CCDC148: variants seen among roughly 807,000 people sequenced by gnomAD.
CCDC148 encodes coiled-coil domain containing 148, also known as coiled-coil domain-containing protein 148.
Under a neutral mutation model 85.7 loss-of-function variants are expected in CCDC148, and 89 were observed. That is an observed-to-expected ratio of 1.04 (90% CI 0.87 to 1.24). The LOEUF is 1.24. CCDC148 is among the 50% of genes most tolerant of loss of function. CCDC148 has a pLI of 0.00. For synonymous variants in CCDC148, 230 were observed against 213.9 expected, an observed-to-expected ratio of 1.08 and a Z score of -0.66; for missense variants, 692 against 671.7, an observed-to-expected ratio of 1.03 and a Z score of -0.33.
intron 11 of CCDC148, among the ~76,000 whole-genome samples, chr2:158,209,411 T>C (rs1444889242): frequency 6.6e-6 from 1 of 152,204 alleles, no homozygotes; most frequent in Non-Finnish European, 1.5e-5. Context: ...AAGTTAGTAA[T>C]AAAGACATCA....
At chr2:158,303,490 T>TA (rs969841655) in intron 9 of CCDC148, among the ~76,000 whole-genome samples, 8 of 151,982 alleles carry the variant, frequency 5.3e-5, no homozygotes, top group Admixed American at 2.6e-4. Flanking sequence ...CCTTCCAGGT[T>TA]AAAAAAAATT....
chr2:158,303,281 T>C (rs1217385369), intron 9 of CCDC148, among the ~76,000 whole-genome samples: 2 of 152,200 alleles, frequency 1.3e-5, no homozygotes, highest in Non-Finnish European at 2.9e-5. Flanking sequence ...GGGCCTACTT[T>C]ATAGCACACT....
At chr2:158,275,280 T>A (rs774322003) in intron 9 of CCDC148, among the ~76,000 whole-genome samples, 1 of 152,248 alleles carries the variant, frequency 6.6e-6, no homozygotes, top group Non-Finnish European at 1.5e-5. Flanking sequence ...GGCTTCAGGA[T>A]AATAATTTGT....
Position 158,220,577 on chromosome 2 carries a change from T to C in CCDC148, c.1370+18A>G. 5 of 1,568,230 alleles carry C rather than the reference T, an allele frequency of 3.2e-6. No homozygotes were observed. The highest frequency in any genetic ancestry group is 4.4e-6 in the Non-Finnish European group (5 of 1,145,472). On this transcript the variant is annotated intron_variant, in intron 11 of 13. Transcript: ENST00000283233. Reference sequence around the variant, plus strand: ...ATTCACCACCTCCATTACCACACAATTTTAAATTTTCTTTTACCTTTCTCT... The same window carrying C: ...ATTCACCACCTCCATTACCACACAACTTTAAATTTTCTTTTACCTTTCTCT...
At chr2:158,182,393 C>G (rs1684948019) in intron 11 of CCDC148, among the ~76,000 whole-genome samples, 1 of 152,028 alleles carries the variant, frequency 6.6e-6, no homozygotes, top group South Asian at 2.1e-4. Flanking sequence ...ATGGGGTCAA[C>G]AACATCAAAT....
chr2:158,422,535 C>A (rs1233804724), intron 1 of CCDC148, among the ~76,000 whole-genome samples: 1 of 152,088 alleles, frequency 6.6e-6, no homozygotes, highest in Non-Finnish European at 1.5e-5. Context: ...ATTCAACAGC[C>A]CTTCATGCTA....
At position 158,284,281 on chromosome 2, in the gene CCDC148, A is replaced by T. The variant is rs10208332; in HGVS notation, c.1110+25152T>A. The stretch of plus-strand genomic sequence containing the variant: ...CCTAAAACTTAAAGTATAATAATAA[A>T]AAAAAAAGAAAACCAATAATGACAG... On this transcript the variant is annotated intron_variant, in intron 9 of 13. Transcript: ENST00000283233. 8.6e-3 allele frequency among the ~76,000 whole-genome samples: 1,308 copies of T among 152,258 alleles called. 18 individuals carry two copies. The highest frequency in any genetic ancestry group is 0.03 in the African/African-American group (1,231 of 41,550).
chr2:158,448,267 T>A (rs1265495192), intron 1 of CCDC148, among the ~76,000 whole-genome samples: 3 of 152,220 alleles, frequency 2.0e-5, no homozygotes, highest in Non-Finnish European at 4.4e-5. Flanking sequence ...TATTATAGCT[T>A]TATAAGTTTT....
At chr2:158,284,340 A>G (rs1311439486) in intron 9 of CCDC148, among the ~76,000 whole-genome samples, 2 of 152,222 alleles carry the variant, frequency 1.3e-5, no homozygotes, top group East Asian at 1.9e-4. Context: ...CTGCTAAACT[A>G]AAAAATAACT....
chr2:158,352,069 C>G (rs1036424830), intron 2 of CCDC148, among the ~76,000 whole-genome samples: 3 of 143,284 alleles, frequency 2.1e-5, no homozygotes, highest in Non-Finnish European at 4.6e-5. Context: ...ACCAAAAACC[C>G]ATCTGTACAT....
intron 11 of CCDC148, among the ~76,000 whole-genome samples, chr2:158,191,010 C>T (rs1484572843): frequency 1.3e-5 from 2 of 151,888 alleles, no homozygotes; most frequent in African/African-American, 2.4e-5. Flanking sequence ...CATAATATTT[C>T]GGTCTAGTTC....
chr2:158,304,764 A>G (rs1691604121), intron 9 of CCDC148, among the ~76,000 whole-genome samples: 1 of 152,180 alleles, frequency 6.6e-6, no homozygotes, highest in Non-Finnish European at 1.5e-5. Context: ...AAGGCAATAA[A>G]TTAGCCTGAA....
rs192406030 is a variant in CCDC148, at chr2:158,285,115, C to T, written c.1110+24318G>A. The stretch of plus-strand genomic sequence containing the variant: ...TCAGCCTGGCCAACATGGTGAAACC[C>T]TGTCTCTACTAAAAATACAAAAATT... On this transcript the variant is annotated intron_variant, in intron 9 of 13. Transcript: ENST00000283233. 1.3e-3 allele frequency among the ~76,000 whole-genome samples: 204 copies of T among 152,068 alleles called. 2 individuals are homozygous for T. Among genetic ancestry groups the T allele is most frequent in the African/African-American group, 4.7e-3 (194 of 41,496 alleles).
intron 7 of CCDC148, among the ~76,000 whole-genome samples, chr2:158,330,220 G>A (rs151047360): frequency 0.061 from 9,355 of 152,136 alleles, 374 homozygotes; most frequent in East Asian, 0.14. Flanking sequence ...AGCATGAAGC[G>A]TTCTTGAATT....
At chr2:158,291,254 C>T (rs1484004140) in intron 9 of CCDC148, among the ~76,000 whole-genome samples, 1 of 152,078 alleles carries the variant, frequency 6.6e-6, no homozygotes, top group Non-Finnish European at 1.5e-5. Flanking sequence ...TCCCCAGGTC[C>T]CAGGCTGATC....
At position 158,278,934 on chromosome 2, in the gene CCDC148, C is replaced by G. The variant is rs145589499; in HGVS notation, c.1111-28022G>C. Among the ~76,000 whole-genome samples the G allele has an allele frequency of 9.6e-3, 1,460 of 152,294 alleles. 19 individuals carry two copies. The highest frequency in any genetic ancestry group is 0.033 in the African/African-American group (1,352 of 41,558). On this transcript the variant is annotated intron_variant, in intron 9 of 13. Coordinates refer to ENST00000283233, the MANE Select transcript of CCDC148 (RefSeq NM_138803.4). ...CGGGTACTCCTCTGAGACAAAACTT[C>G]CAGAGGAACGATCACACAGCAGCAT...
In CCDC148 at chr2:158,235,306, C is replaced by G. The variant is rs1574462123; in HGVS notation, c.1252-14593G>C. ...TCCAAATTCTATTCCTGTATCAGGT[C>G]AAATGACAAGAATCCTACATATATT... On this transcript the variant is annotated intron_variant, in intron 10 of 13. Transcript: ENST00000283233. Among the ~76,000 whole-genome samples the G allele has an allele frequency of 2.6e-5, 4 of 152,284 alleles. No individual in the cohort carries two copies. In the South Asian group the frequency reaches 8.3e-4, roughly 32 times the overall value.
chr2:158,210,530 CACTT>C (rs1374436578), intron 11 of CCDC148, among the ~76,000 whole-genome samples: 1 of 152,160 alleles, frequency 6.6e-6, no homozygotes, highest in Non-Finnish European at 1.5e-5. Flanking sequence ...CACCACATCA[CACTT>C]ACTCTAAAAT....
At chr2:158,357,054 G>A (rs796587365) in intron 2 of CCDC148, among the ~76,000 whole-genome samples, 2 of 146,860 alleles carry the variant, frequency 1.4e-5, no homozygotes, top group Admixed American at 6.9e-5. Context: ...ACACAGGAAC[G>A]GGAATATCAC....
Sources: gnomAD v4.1 joint callset for allele counts (sites outside exome capture counted in the v4.1 genomes callset) on GRCh38, gnomAD v4.1.1 for gene constraint, MANE v1.5 for transcripts, NCBI Gene and HGNC (gene_info 2026-07-23, HGNC 2026-07-21) for gene names.